The following TASOR2 variants were observed in gnomAD, a reference collection of about 807,000 sequenced individuals.
The protein encoded by TASOR2 is transcription activation suppressor family member 2.
Under a neutral mutation model 199.5 loss-of-function variants are expected in TASOR2, and 84 were observed. The observed-to-expected ratio is 0.42, with a 90% CI of 0.35 to 0.50. The LOEUF is 0.50. Ranked by LOEUF, TASOR2 falls within the 20% of genes least tolerant of loss-of-function variation. The probability of loss-of-function intolerance (pLI) is 0.02; values close to 1 mark genes in which losing one functional copy is unlikely to be tolerated. For synonymous variants in TASOR2, 1,103 were observed against 1,046.6 expected, an observed-to-expected ratio of 1.05 and a Z score of -1.04; for missense variants, 2,796 against 2,835.9, an observed-to-expected ratio of 0.99 and a Z score of 0.32.
rs762392652 is a variant in TASOR2, at chr10:5,730,663, T to C, written c.664T>C (p.Leu222=). 3.7e-6 allele frequency: 6 copies of C among 1,614,226 alleles called. No individual in the cohort carries two copies. Among genetic ancestry groups the C allele is most frequent in the Non-Finnish European group, 4.2e-6 (5 of 1,180,030 alleles). The change falls in exon 11 of 21, where the codon TTG becomes CTG. Residue 222 remains leucine (L), a synonymous_variant. Transcript: ENST00000328090. The surrounding 1 kb of genome is among the most constrained non-coding windows in gnomAD (Gnocchi z 4.1). ...GTACAAGGCGGACAGAAGCCCTTCATTGAGTGTTGCTCCTCAGGATAGAAT... is the reference window on the plus strand; with the variant it reads ...GTACAAGGCGGACAGAAGCCCTTCACTGAGTGTTGCTCCTCAGGATAGAAT...
Position 5,749,280 on chromosome 10 carries a change from CTG to C in TASOR2, c.5862_5863del (p.Cys1954TrpfsTer31), listed in dbSNP as rs754846939. 6.2e-7 allele frequency: 1 copy of C among 1,614,226 alleles called. No homozygotes were observed. The highest frequency in any genetic ancestry group is 1.7e-5 in the Admixed American group (1 of 60,034). ...GGAGGCACCCGAGTTTCAGTGCAAACTGTGGCCTGCCCAGCTCCTGGACAAGC... is the reference window on the plus strand; with the variant it reads ...GGAGGCACCCGAGTTTCAGTGCAAACTGGCCTGCCCAGCTCCTGGACAAGC... On this transcript the variant is annotated frameshift_variant, in exon 15 of 21. Transcript: ENST00000328090. LOFTEE classifies it high-confidence loss of function.
Position 5,748,990 on chromosome 10 carries a change from A to T in TASOR2, c.5569A>T (p.Arg1857Trp). 6.2e-7 allele frequency: 1 copy of T among 1,614,184 alleles called. No homozygotes were observed. ...TTATACTTTAAGAGGTAGTTACACCAGGAAAAAAGATGTTCCCACAGATGG... is the reference window on the plus strand; with the variant it reads ...TTATACTTTAAGAGGTAGTTACACCTGGAAAAAAGATGTTCCCACAGATGG... Residue 1857 changes from arginine (R) to tryptophan (W), a missense_variant, in exon 15 of 21, where the codon AGG (arginine) becomes TGG (tryptophan). By Grantham distance (101) the Arg-to-Trp change is moderately radical (BLOSUM62 -3). Coordinates refer to ENST00000328090, the Ensembl canonical transcript of TASOR2. The surrounding 1 kb of genome is among the most constrained non-coding windows in gnomAD (Gnocchi z 5.1).
Position 5,710,345 on chromosome 10 carries a change from CATATACTGCT to C in TASOR2, c.-287-2472_-287-2463del, listed in dbSNP as rs957305882. On this transcript the variant is annotated intron_variant, in intron 1 of 20. Coordinates refer to ENST00000328090, the Ensembl canonical transcript of TASOR2. The surrounding 1 kb of genome is among the most constrained non-coding windows in gnomAD (Gnocchi z 4.6). ...TAACCATAAAATCACTGCTTTTATG[CATATACTGCT>C]ATATATTGAAGAATACTGGCCTAAA... Among the ~76,000 whole-genome samples the C allele has an allele frequency of 4.4e-4, 67 of 152,228 alleles. No individual in the cohort carries two copies. Among genetic ancestry groups the C allele is most frequent in the African/African-American group, 1.5e-3 (63 of 41,554 alleles).
At position 5,756,754 on chromosome 10, in the gene TASOR2, C is replaced by A. The variant is rs370212726; in HGVS notation, c.6732+16C>A. The A allele has an allele frequency of 1.6e-5, 26 of 1,608,694 alleles. No homozygotes were observed. In the South Asian group the frequency reaches 2.8e-4, roughly 17 times the overall value. On this transcript the variant is annotated intron_variant, in intron 16 of 20. Transcript: ENST00000328090. ...TTTGCATCAGGTCGGTTGGAAATAC[C>A]TTACAAAGAAACGTATTCCAGGCAC...
chr10:5,741,394 A>T (rs1836404498), intron 13 of TASOR2, among the ~76,000 whole-genome samples: 1 of 152,076 alleles, frequency 6.6e-6, no homozygotes, highest in African/African-American at 2.4e-5. Context: ...GACTATATGG[A>T]CTCTACAGCT....
At chr10:5,736,529 A>T (rs1054140940) in intron 12 of TASOR2, among the ~76,000 whole-genome samples, 2 of 152,130 alleles carry the variant, frequency 1.3e-5, no homozygotes, top group African/African-American at 4.8e-5. Context: ...TGTTAGGATT[A>T]CAGGCATGAG....
intron 1 of TASOR2, among the ~76,000 whole-genome samples, chr10:5,694,094 A>G (rs972242902): frequency 8.7e-5 from 13 of 150,180 alleles, no homozygotes; most frequent in Admixed American, 6.7e-5. Context: ...GAATGGGGAG[A>G]AAAAAAAAAG....
Position 5,720,906 on chromosome 10 carries a change from C to T in TASOR2, c.82C>T (p.Gln28Ter). Residue 28 changes from glutamine (Q) to a stop codon, truncating the protein, a stop_gained, in exon 6 of 21, where the codon CAA (glutamine) becomes TAA (stop). Coordinates refer to ENST00000328090, the Ensembl canonical transcript of TASOR2. LOFTEE classifies it high-confidence loss of function. The surrounding 1 kb of genome is among the most constrained non-coding windows in gnomAD (Gnocchi z 5.3). ...TCCATGGAAAGGGAAATTAATTGTT[C>T]AAGACCGTATGCTATGTGATATAGC... The T allele has an allele frequency of 6.2e-7, 1 of 1,613,094 alleles. No individual in the cohort carries two copies. The highest frequency in any genetic ancestry group is 8.5e-7 in the Non-Finnish European group (1 of 1,179,718).
At chr10:5,735,154 T>A in intron 11 of TASOR2, 150 bp from the exon 13 acceptor site, 1 of 922,604 alleles carries the variant, frequency 1.1e-6, no homozygotes, top group Non-Finnish European at 1.6e-6. Flanking sequence ...GTTAAAATCT[T>A]TTAATTAAAT....
In TASOR2 at chr10:5,730,506, T is replaced by G. The variant is rs778925622; in HGVS notation, c.507T>G (p.Val169=). ...TTCTAGGGGTGAAAGATTTGAAAGT[T>G]GAAGATGACATCTCAATGAAGGTGA... The change falls in exon 11 of 21, where the codon GTT becomes GTG. Residue 169 remains valine, a synonymous_variant. Coordinates refer to ENST00000328090, the Ensembl canonical transcript of TASOR2. The surrounding 1 kb of genome is among the most constrained non-coding windows in gnomAD (Gnocchi z 4.1). The G allele has an allele frequency of 1.9e-6, 3 of 1,600,390 alleles. No homozygotes were observed. The South Asian group carries it at 3.3e-5, about 18-fold the overall frequency.
In TASOR2 at chr10:5,730,999, AAG is replaced by A. The variant is rs765640008; in HGVS notation, c.1005_1006del (p.Arg335SerfsTer15). On this transcript the variant is annotated frameshift_variant, in exon 11 of 21. Coordinates refer to ENST00000328090, the Ensembl canonical transcript of TASOR2. LOFTEE classifies it high-confidence loss of function. The surrounding 1 kb of genome is among the most constrained non-coding windows in gnomAD (Gnocchi z 4.1). ...TTCTGAAGAAATGTTGAAAGCAAAG[AAG>A]AGAGTTTTTCCATTGAGTCCAGCGT... 1 of 1,614,162 alleles carries A rather than the reference AAG, an allele frequency of 6.2e-7. No homozygotes were observed. The highest frequency in any genetic ancestry group is 2.2e-5 in the East Asian group (1 of 44,888).
Position 5,748,407 on chromosome 10 carries a change from A to G in TASOR2, c.4986A>G (p.Ser1662=), listed in dbSNP as rs530352364. The stretch of plus-strand genomic sequence containing the variant: ...TGGTCCCCACGCTTTGTTCTTCCTC[A>G]GACAATGCTACATTAACCCATTATG... Residue 1662 remains serine (S), a synonymous_variant, in exon 15 of 21, where the codon TCA becomes TCG. Coordinates refer to ENST00000328090, the Ensembl canonical transcript of TASOR2. The surrounding 1 kb of genome is among the most constrained non-coding windows in gnomAD (Gnocchi z 5.1). The G allele has an allele frequency of 2.5e-5, 41 of 1,614,250 alleles. No individual in the cohort carries two copies. The Admixed American group carries it at 5.8e-4, about 23-fold the overall frequency.
rs1365382039 is a variant in TASOR2 at position 5,739,899 on chromosome 10, C to T, written c.1729C>T (p.Arg577Ter). The stretch of plus-strand genomic sequence containing the variant: ...TTTGCTCTCTAAAGAAAATTCTTTG[C>T]GAGGTACATCTGACCATGAATATCA... The change falls in exon 13 of 21, where the codon CGA becomes TGA. Residue 577 changes from arginine to a stop codon, truncating the protein, a stop_gained. Coordinates refer to ENST00000328090, the Ensembl canonical transcript of TASOR2. LOFTEE classifies it high-confidence loss of function. The T allele has an allele frequency of 7.4e-6, 12 of 1,613,984 alleles. No homozygotes were observed. Among genetic ancestry groups the T allele is most frequent in the African/African-American group, 1.3e-5 (1 of 74,922 alleles).
At chr10:5,704,223 CAAA>C (rs58311711) in intron 1 of TASOR2, among the ~76,000 whole-genome samples, 35 of 131,848 alleles carry the variant, frequency 2.7e-4, no homozygotes, top group Admixed American at 2.2e-4. Context: ...GACTCCATCT[CAAA>C]AAAAAAAAAA....
At chr10:5,749,320 G>C (rs745741534) in exon 15 of TASOR2, 3 of 1,614,200 alleles carry the variant, frequency 1.9e-6, no homozygotes, top group Non-Finnish European at 2.5e-6. Context: ...TTGGCAGGTG[G>C]CAGACGACCT....
rs544756321 is a variant in TASOR2, at chr10:5,698,456, G to A, written c.-288+13281G>A. ...TTATATGATTAAAAATAAAAAAAGA[G>A]AGAGAAAAACCACAATTTTCTACAG... On this transcript the variant is annotated intron_variant, in intron 1 of 20. Transcript: ENST00000328090. The surrounding 1 kb of genome is among the most constrained non-coding windows in gnomAD (Gnocchi z 4.4). Among the ~76,000 whole-genome samples, 6 of 152,244 alleles carry A rather than the reference G, an allele frequency of 3.9e-5. No individual in the cohort carries two copies. Among genetic ancestry groups the A allele is most frequent in the African/African-American group, 1.4e-4 (6 of 41,542 alleles).
Position 5,746,618 on chromosome 10 carries a change from CAGA to C in TASOR2, c.3200_3202del (p.Glu1067del), listed in dbSNP as rs747260704. Reference sequence around the variant, plus strand: ...AAAAATGCACATGTACCAATACAGACAGAAGGTGTAAATACTGCTGATGAACGT... The same window carrying C: ...AAAAATGCACATGTACCAATACAGACAGGTGTAAATACTGCTGATGAACGT... On this transcript the variant is annotated inframe_deletion, in exon 15 of 21. Transcript: ENST00000328090. 6 of 1,614,036 alleles carry C rather than the reference CAGA, an allele frequency of 3.7e-6. No individual in the cohort carries two copies. The African/African-American group carries it at 4.0e-5, about 11-fold the overall frequency.
intron 1 of TASOR2, among the ~76,000 whole-genome samples, chr10:5,691,443 C>T (rs560514502): frequency 6.6e-6 from 1 of 152,164 alleles, no homozygotes; most frequent in Admixed American, 6.5e-5. Flanking sequence ...AGGTGTAATA[C>T]ACTTTACTCA....
rs1219195513 is a variant in TASOR2, at chr10:5,754,765, C to T, written c.6607-1848C>T. On this transcript the variant is annotated intron_variant, in intron 15 of 20. Coordinates refer to ENST00000328090, the Ensembl canonical transcript of TASOR2. The surrounding 1 kb of genome is among the most constrained non-coding windows in gnomAD (Gnocchi z 4.3). Reference sequence around the variant, plus strand: ...TGTCAACTGAGAAAGTGGACACGGCCGGGCGCGGTGGCTCACGCCTGTAAT... The same window carrying T: ...TGTCAACTGAGAAAGTGGACACGGCTGGGCGCGGTGGCTCACGCCTGTAAT... Among the ~76,000 whole-genome samples, 2 of 151,994 alleles carry T rather than the reference C, an allele frequency of 1.3e-5. No homozygotes were observed. The highest frequency in any genetic ancestry group is 4.8e-5 in the African/African-American group (2 of 41,374).
Sources: allele counts gnomAD v4.1 joint callset (sites outside exome capture counted in the v4.1 genomes callset), GRCh38; gene constraint gnomAD v4.1.1; non-coding constraint Gnocchi (gnomAD v3.1); transcripts MANE v1.5; gene names NCBI Gene and HGNC (gene_info 2026-07-23, HGNC 2026-07-21).